The following PSD3 variants were observed in gnomAD, a reference collection of about 807,000 sequenced individuals.
PSD3 encodes the protein pleckstrin and Sec7 domain containing 3.
PSD3 carries 49 observed loss-of-function variants against 105.5 expected under a neutral mutation model. The ratio of observed to expected loss-of-function variants is 0.46; its 90% CI spans 0.37 to 0.59. The LOEUF is 0.59. Ranked by LOEUF, PSD3 falls within the 20% of genes least tolerant of loss-of-function variation. PSD3 has a pLI of 0.00. For missense variants in PSD3, 1,561 were observed against 1,263.8 expected (o/e 1.24, Z -3.57); for synonymous variants, 557 against 457.8 (o/e 1.22, Z -2.77).
chr8:19,065,379 A>C (rs1829041872), intron 1 of PSD3, among the ~76,000 whole-genome samples: 1 of 152,098 alleles, frequency 6.6e-6, no homozygotes, highest in Admixed American at 6.6e-5. Context: ...TTAAATTCTG[A>C]TACTATCTAC....
chr8:18,868,193 T>G (rs1240514924), intron 3 of PSD3, 124 bp from the exon 4 acceptor site: 4 of 1,128,736 alleles, frequency 3.5e-6, no homozygotes, highest in Non-Finnish European at 3.7e-6. Context: ...ACTTATATCT[T>G]AACATATTTG....
intron 2 of PSD3, among the ~76,000 whole-genome samples, chr8:18,884,556 G>T (rs1490707807): frequency 1.3e-5 from 2 of 152,164 alleles, no homozygotes; most frequent in Non-Finnish European, 2.9e-5. Flanking sequence ...AATCCAGGAT[G>T]CTGGCTATTG....
At position 19,084,351 on chromosome 8, in the gene PSD3, G is replaced by A. The variant is rs147007998; in HGVS notation, c.179C>T (p.Ala60Val). ...CCTGGGGAGTATTTGGCAGGTCTCGGCGCCTCTCCTCAGCACAGTCCTTTC... is the reference window on the plus strand; with the variant it reads ...CCTGGGGAGTATTTGGCAGGTCTCGACGCCTCTCCTCAGCACAGTCCTTTC... The change falls in exon 1 of 2, where the codon GCC (alanine) becomes GTC (valine). Residue 60 changes from alanine to valine, a missense_variant. Physicochemically the swap from Ala to Val is moderately conservative, Grantham distance 64. Transcript: ENST00000521475. The A allele has an allele frequency of 1.1e-5, 5 of 456,294 alleles. No individual in the cohort carries two copies. In the East Asian group the frequency reaches 2.1e-4, roughly 19 times the overall value. The allele number at this position is 456,294 out of a possible 1,614,324, so 28.3% of individuals were successfully genotyped here. A position where few individuals can be genotyped will look rare whatever the true frequency, so the allele number is the denominator to read the frequency against.
chr8:18,783,858 C>T (rs1348821928), intron 8 of PSD3, among the ~76,000 whole-genome samples: 1 of 152,228 alleles, frequency 6.6e-6, no homozygotes, highest in East Asian at 1.9e-4. Flanking sequence ...TGGTCTCGAA[C>T]TCCTGACCTC....
chr8:18,898,413 T>C (rs1326124073), intron 2 of PSD3, among the ~76,000 whole-genome samples: 1 of 152,194 alleles, frequency 6.6e-6, no homozygotes, highest in African/African-American at 2.4e-5. Context: ...GATATAGGAA[T>C]GACTACATTT....
intron 9 of PSD3, among the ~76,000 whole-genome samples, chr8:18,758,902 T>C (rs114182459): frequency 0.015 from 2,295 of 152,220 alleles, 69 homozygotes; most frequent in African/African-American, 0.053. Context: ...CTCTGTCCTT[T>C]GAGAAAGCAA....
intron 2 of PSD3, among the ~76,000 whole-genome samples, chr8:18,917,543 T>C (rs1325733060): frequency 4.6e-5 from 7 of 152,216 alleles, no homozygotes; most frequent in Non-Finnish European, 4.4e-5. Flanking sequence ...CAAATAACAC[T>C]GTTTTGTTAT....
At chr8:18,842,304 A>G (rs1445211538) in intron 4 of PSD3, among the ~76,000 whole-genome samples, 2 of 152,256 alleles carry the variant, frequency 1.3e-5, no homozygotes, top group African/African-American at 4.8e-5. Context: ...ATGGCATTTT[A>G]TAACCCTTTT....
Position 18,550,765 on chromosome 8 carries a change from G to A in PSD3, c.2928+5444C>T, listed in dbSNP as rs76244724. Among the ~76,000 whole-genome samples the A allele has an allele frequency of 3.5e-3, 526 of 152,090 alleles. 6 individuals carry two copies. The highest frequency in any genetic ancestry group is 0.012 in the African/African-American group (488 of 41,466). On this transcript the variant is annotated intron_variant, in intron 15 of 15. Coordinates refer to ENST00000327040, the MANE Select transcript of PSD3 (RefSeq NM_015310.4). ...ATTGTAAGTCAAACCATCTTAAGTC[G>A]GGAACCATCTGTACTTAGTATCCCA...
At chr8:19,074,350 G>A (rs979301159) in intron 1 of PSD3, among the ~76,000 whole-genome samples, 3 of 151,946 alleles carry the variant, frequency 2.0e-5, no homozygotes, top group Non-Finnish European at 2.9e-5. Context: ...CAGGATGAGG[G>A]GAAATCTCCC....
intron 9 of PSD3, among the ~76,000 whole-genome samples, chr8:18,664,634 G>A (rs1265208302): frequency 2.0e-5 from 3 of 152,224 alleles, no homozygotes; most frequent in Admixed American, 6.5e-5. Context: ...ACTGATGAAG[G>A]TGGCTATACT....
At chr8:18,683,476 AAAACAAGATCGATGTGCC>A (rs1185536755) in intron 9 of PSD3, among the ~76,000 whole-genome samples, 7 of 152,198 alleles carry the variant, frequency 4.6e-5, no homozygotes, top group African/African-American at 1.7e-4. Context: ...TCTGAGACCA[AAAACAAGATCGATGTGCC>A]AAACAACAGT....
At chr8:18,612,131 A>T (rs999267268) in intron 11 of PSD3, among the ~76,000 whole-genome samples, 2 of 150,652 alleles carry the variant, frequency 1.3e-5, no homozygotes, top group Non-Finnish European at 3.0e-5. Context: ...AGCCTTACAT[A>T]AAAAAAAGTT....
At chr8:18,728,240 T>C (rs951136449) in intron 9 of PSD3, among the ~76,000 whole-genome samples, 1 of 152,192 alleles carries the variant, frequency 6.6e-6, no homozygotes, top group African/African-American at 2.4e-5. Flanking sequence ...ACTGAAATAC[T>C]CATTGCAAGA....
At chr8:18,595,710 A>G (rs1283628316) in intron 12 of PSD3, among the ~76,000 whole-genome samples, 1 of 152,104 alleles carries the variant, frequency 6.6e-6, no homozygotes, top group Admixed American at 6.6e-5. Flanking sequence ...TTCACCACAC[A>G]GTTGTAACCA....
chr8:18,863,949 C>A (rs1460589722), intron 4 of PSD3, among the ~76,000 whole-genome samples: 1 of 152,152 alleles, frequency 6.6e-6, no homozygotes, highest in African/African-American at 2.4e-5. Flanking sequence ...AATCAGCCTT[C>A]CCAACCTCTT....
At chr8:18,598,604 T>G (rs551227019) in intron 12 of PSD3, among the ~76,000 whole-genome samples, 2 of 152,164 alleles carry the variant, frequency 1.3e-5, no homozygotes, top group East Asian at 1.9e-4. Context: ...CTTTCATGAT[T>G]TGAAAAACCC....
At chr8:18,637,923 C>T (rs929914313) in intron 10 of PSD3, among the ~76,000 whole-genome samples, 3 of 151,838 alleles carry the variant, frequency 2.0e-5, no homozygotes, top group Non-Finnish European at 2.9e-5. Context: ...ATTGGGAGGC[C>T]GAGGCAGGTA....
chr8:18,711,085 T>A (rs1314347126), intron 9 of PSD3, among the ~76,000 whole-genome samples: 1 of 152,146 alleles, frequency 6.6e-6, no homozygotes, highest in African/African-American at 2.4e-5. Context: ...GACAAGCAAA[T>A]GATGACAGAA....
Sources: gnomAD v4.1 joint callset for allele counts (sites outside exome capture counted in the v4.1 genomes callset) on GRCh38, gnomAD v4.1.1 for gene constraint, MANE v1.5 for transcripts, NCBI Gene and HGNC (gene_info 2026-07-23, HGNC 2026-07-21) for gene names.